The following MRPL15 variants were observed in gnomAD, a reference collection of about 807,000 sequenced individuals.
MRPL15 encodes large ribosomal subunit protein uL15m.
A neutral mutation model predicts 28.0 loss-of-function variants in MRPL15; 24 were observed. The ratio of observed to expected loss-of-function variants is 0.86; its 90% CI spans 0.62 to 1.21. MRPL15 has a LOEUF of 1.21. Ranked by LOEUF, MRPL15 falls within the 50% of genes most tolerant of loss-of-function variation. MRPL15 has a pLI of 0.00. For synonymous variants in MRPL15, 124 were observed against 137.0 expected (o/e 0.90, Z 0.66); for missense variants, 343 against 372.4 (o/e 0.92, Z 0.65).
chr8:54,138,539 G>A (rs1431284807), intron 3 of MRPL15, among the ~76,000 whole-genome samples: 1 of 150,522 alleles, frequency 6.6e-6, no homozygotes, highest in Admixed American at 6.6e-5. Flanking sequence ...GGCTGTTCTC[G>A]AACTCCTGAC....
rs771884045 is a variant in MRPL15, at chr8:54,135,342, C to T, written c.59C>T (p.Pro20Leu). Residue 20 changes from proline (P) to leucine (L), a missense_variant, in exon 1 of 5, where the codon CCG becomes CTG. Pro to Leu is a moderately conservative substitution (Grantham distance 98, BLOSUM62 -3). Coordinates refer to ENST00000260102, the MANE Select transcript of MRPL15 (RefSeq NM_014175.4). ...GCCCTGGACCTACTCCGGGGCCTGC[C>T]GCGTGTGAGCCTGGCCAACTTAAAG... ...ARALDLLRGL[P>L]RVSLANLKPN... The T allele has an allele frequency of 6.0e-6, 9 of 1,507,210 alleles. No homozygotes were observed. The highest frequency in any genetic ancestry group is 7.1e-6 in the Non-Finnish European group (8 of 1,124,518). The allele number at this position is 1,507,210 out of a possible 1,614,324, so 93.4% of individuals were successfully genotyped here.
intron 2 of MRPL15, 85 bp from the exon 3 acceptor site, chr8:54,137,183 G>A (rs1272506080): frequency 6.6e-6 from 9 of 1,354,974 alleles, no homozygotes; most frequent in Admixed American, 4.2e-5. Flanking sequence ...ATTGGTGGAG[G>A]AAAACACAAG....
At chr8:54,143,116 T>C (rs1214301142) in intron 4 of MRPL15, among the ~76,000 whole-genome samples, 1 of 152,150 alleles carries the variant, frequency 6.6e-6, no homozygotes, top group African/African-American at 2.4e-5. Flanking sequence ...AGTCTTGCTC[T>C]GTTGCCCAGG....
chr8:54,136,415 G>A, intron 1 of MRPL15, 96 bp from the exon 2 acceptor site: 1 of 1,343,504 alleles, frequency 7.4e-7, no homozygotes, highest in Non-Finnish European at 1.0e-6. Flanking sequence ...GCACTGGTGG[G>A]CTGGATGAAT....
intron 3 of MRPL15, among the ~76,000 whole-genome samples, chr8:54,138,300 TC>T: frequency 8.7e-6 from 1 of 114,746 alleles, no homozygotes; most frequent in African/African-American, 3.4e-5. Context: ...ATCAGGAAGA[TC>T]TTTTTTTTTT....
chr8:54,142,901 C>G, intron 4 of MRPL15, 115 bp downstream of exon 4: 2 of 1,351,390 alleles, frequency 1.5e-6, no homozygotes, highest in Non-Finnish European at 2.1e-6. Flanking sequence ...TAGTATTGAT[C>G]TACATCTACC....
chr8:54,142,875 G>T lies in MRPL15; in HGVS notation c.553+89G>T, dbSNP rs772672848. On this transcript the variant is annotated intron_variant, in intron 4 of 4. Coordinates refer to ENST00000260102, the MANE Select transcript of MRPL15 (RefSeq NM_014175.4). ...AATTACTTAGTGAATGGCAAATGTT[G>T]GTAGTAGTTTGGATGTAGTATTGAT... 1.3e-5 allele frequency: 20 copies of T among 1,543,154 alleles called. 1 individual carries two copies. In the South Asian group the frequency reaches 2.3e-4, roughly 18 times the overall value.
intron 3 of MRPL15, among the ~76,000 whole-genome samples, chr8:54,141,598 G>A (rs563215854): frequency 2.3e-4 from 35 of 152,158 alleles, no homozygotes; most frequent in South Asian, 8.3e-4. Flanking sequence ...AATTATAGTC[G>A]TCCCTTAGGA....
At chr8:54,139,166 A>C (rs185792602) in intron 3 of MRPL15, among the ~76,000 whole-genome samples, 1 of 152,166 alleles carries the variant, frequency 6.6e-6, no homozygotes, top group Non-Finnish European at 1.5e-5. Flanking sequence ...TGCCAGGCTA[A>C]TTTTGTATTT....
In MRPL15 at chr8:54,147,669, A is replaced by T; in HGVS notation, c.841A>T (p.Lys281Ter). ...PGWVVNMADK[K>*]ILKPTDENLL... ...ATGGGTGGTGAATATGGCCGATAAGAAAATCCTAAAACCTACAGATGAAAA... is the reference window on the plus strand; with the variant it reads ...ATGGGTGGTGAATATGGCCGATAAGTAAATCCTAAAACCTACAGATGAAAA... The change falls in exon 5 of 5, where the codon AAA (lysine) becomes TAA (stop). Residue 281 changes from lysine (K) to a stop codon, truncating the protein, a stop_gained. Transcript: ENST00000260102. LOFTEE classifies it high-confidence loss of function. 1 of 1,614,040 alleles carries T rather than the reference A, an allele frequency of 6.2e-7. No homozygotes were observed. Among genetic ancestry groups the T allele is most frequent in the Non-Finnish European group, 8.5e-7 (1 of 1,179,988 alleles).
intron 3 of MRPL15, among the ~76,000 whole-genome samples, chr8:54,140,523 G>A (rs916878636): frequency 2.0e-5 from 3 of 148,242 alleles, no homozygotes; most frequent in Admixed American, 6.8e-5. Flanking sequence ...TTGGCCTCCC[G>A]AAGTGCTAGG....
chr8:54,145,340 G>A (rs748971884), intron 4 of MRPL15, among the ~76,000 whole-genome samples: 3 of 152,078 alleles, frequency 2.0e-5, no homozygotes, highest in Non-Finnish European at 4.4e-5. Context: ...TCAGCCTCAT[G>A]AGTAGCTGGG....
At chr8:54,145,581 C>T (rs186080068) in intron 4 of MRPL15, among the ~76,000 whole-genome samples, 182 of 152,112 alleles carry the variant, frequency 1.2e-3, no homozygotes, top group Admixed American at 3.1e-3. Context: ...TCAAGAAATC[C>T]TGCCACCTAG....
chr8:54,145,268 G>A (rs538314117), intron 4 of MRPL15, among the ~76,000 whole-genome samples: 1 of 152,296 alleles, frequency 6.6e-6, no homozygotes, highest in South Asian at 2.1e-4. Context: ...AGGCTGGAAT[G>A]TAGTGGTGTG....
intron 2 of MRPL15, among the ~76,000 whole-genome samples, chr8:54,136,899 T>C (rs1012764866): frequency 1.3e-5 from 2 of 152,174 alleles, no homozygotes; most frequent in African/African-American, 4.8e-5. Context: ...CCAGCTCTAA[T>C]GGTTATTAAA....
chr8:54,136,699 C>G (rs760769618), intron 2 of MRPL15, 34 bp downstream of exon 2: 23 of 1,552,358 alleles, frequency 1.5e-5, no homozygotes, highest in Non-Finnish European at 2.0e-5. Context: ...GTACAGGTCC[C>G]CAATTTCCAT....
At position 54,136,615 on chromosome 8, in the gene MRPL15, G is replaced by C; in HGVS notation, c.213G>C (p.Gln71His). 15 of 1,614,222 alleles carry C rather than the reference G, an allele frequency of 9.3e-6. No individual in the cohort carries two copies. The highest frequency in any genetic ancestry group is 1.3e-5 in the Non-Finnish European group (15 of 1,180,030). ...CCCGCTTGGGCTTTGAGGGAGGCCA[G>C]ACTCCATTTTACATCCGAATCCCAA... ...TRPRLGFEGG[Q>H]TPFYIRIPKY... Residue 71 changes from glutamine (Q) to histidine (H), a missense_variant, in exon 2 of 5, where the codon CAG becomes CAC. Physicochemically the swap from Gln to His is conservative, Grantham distance 24. Transcript: ENST00000260102.
In MRPL15 at chr8:54,136,585, C is replaced by T; in HGVS notation, c.183C>T (p.Thr61=). Reference sequence around the variant, plus strand: ...ATAAAGGAGAAAGGCAAAGAGGAACCCGGCCCCGCTTGGGCTTTGAGGGAG... The same window carrying T: ...ATAAAGGAGAAAGGCAAAGAGGAACTCGGCCCCGCTTGGGCTTTGAGGGAG... ...RGHKGERQRG[T]RPRLGFEGGQ... is the part of the protein sequence containing the mutation. Residue 61 remains threonine, a synonymous_variant, in exon 2 of 5, where the codon ACC becomes ACT. Transcript: ENST00000260102. 1.9e-6 allele frequency: 3 copies of T among 1,614,154 alleles called. No individual in the cohort carries two copies. Among genetic ancestry groups the T allele is most frequent in the South Asian group, 2.2e-5 (2 of 91,088 alleles).
chr8:54,144,787 CAAAAA>C (rs1048687149), intron 4 of MRPL15, among the ~76,000 whole-genome samples: 1 of 150,344 alleles, frequency 6.7e-6, no homozygotes, highest in Non-Finnish European at 1.5e-5. Context: ...AAAAAAAAAA[CAAAAA>C]AAATTTGCCA....
Sources: gnomAD v4.1 joint callset for allele counts (sites outside exome capture counted in the v4.1 genomes callset) on GRCh38, gnomAD v4.1.1 for gene constraint, MANE v1.5 for transcripts, NCBI Gene and HGNC (gene_info 2026-07-23, HGNC 2026-07-21) for gene names.